Variants in CACNG1 observed in about 807,000 individuals in gnomAD.
CACNG1 encodes the protein voltage-dependent calcium channel gamma-1 subunit.
In CACNG1, 21 loss-of-function variants were observed where a neutral mutation model predicts 22.0. The ratio of observed to expected loss-of-function variants is 0.95; its 90% CI spans 0.68 to 1.37. The LOEUF (loss-of-function observed/expected upper bound fraction) is 1.37, where lower values mean the gene tolerates loss of function less well. Among genes scored for constraint, CACNG1 ranks in the 40% most tolerant of loss-of-function variants. The pLI, the probability that CACNG1 is intolerant of heterozygous loss-of-function variation, is 0.00. For synonymous variants in CACNG1, 127 were observed against 129.2 expected (o/e 0.98, Z 0.12); for missense variants, 291 against 308.6 (o/e 0.94, Z 0.43).
rs937789056 is a variant in CACNG1, at chr17:67,056,709, C to T, written c.*438C>T. 3 of 169,204 alleles carry T rather than the reference C, an allele frequency of 1.8e-5. No individual in the cohort carries two copies. Among genetic ancestry groups the T allele is most frequent in the Non-Finnish European group, 3.8e-5 (3 of 78,220 alleles). 10.5% of individuals were successfully genotyped at this position (169,204 alleles called of 1,614,324 possible). A position where few individuals can be genotyped will look rare whatever the true frequency, so the allele number is the denominator to read the frequency against. On this transcript the variant is annotated 3_prime_UTR_variant, in exon 4 of 4. Coordinates refer to ENST00000226021, the MANE Select transcript of CACNG1 (RefSeq NM_000727.4). This position sits in a 1 kb window ranked among gnomAD's most constrained non-coding sequence, Gnocchi z 4.3. ...AACACACCCTCTCTGGTGAGCCCAG[C>T]GTCCCCTCCTTGGCTTCCAGGAGCC...
At chr17:67,052,380 G>C (rs1292217885) in intron 1 of CACNG1, among the ~76,000 whole-genome samples, 2 of 152,206 alleles carry the variant, frequency 1.3e-5, no homozygotes, top group African/African-American at 4.8e-5. Context: ...CTGGCTCTGG[G>C]GGGAAGGAGG....
At chr17:67,045,035 T>C (rs2035688072) in intron 1 of CACNG1, 146 bp downstream of exon 1, 1 of 669,904 alleles carries the variant, frequency 1.5e-6, no homozygotes, top group Admixed American at 2.5e-5. Context: ...GAAGAAGATA[T>C]GAATTGCATG....
chr17:67,053,610 G>C (rs1307549506), intron 1 of CACNG1, among the ~76,000 whole-genome samples: 1 of 152,238 alleles, frequency 6.6e-6, no homozygotes, highest in Non-Finnish European at 1.5e-5. Context: ...TGTCCCCTGG[G>C]GGGGCAGAAT....
Position 67,055,237 on chromosome 17 carries a change from G to A in CACNG1, c.439G>A (p.Ala147Thr), listed in dbSNP as rs139399934. 6.8e-6 allele frequency: 11 copies of A among 1,612,346 alleles called. No homozygotes were observed. In the African/African-American group the frequency reaches 1.3e-4, roughly 20 times the overall value. ...ACCCGCGTCCATGTTCTATGCCTTTGCAGGTAGACTGGGGGATCTGCCTGA... is the reference window on the plus strand; with the variant it reads ...ACCCGCGTCCATGTTCTATGCCTTTACAGGTAGACTGGGGGATCTGCCTGA... ...LRPASMFYAF[A>T]GLCILVSVEV... Residue 147 changes from alanine (A) to threonine (T), a missense_variant, in exon 3 of 4, where the codon GCA becomes ACA. By Grantham distance (58) the Ala-to-Thr change is moderately conservative. Transcript: ENST00000226021. The surrounding 1 kb of genome is among the most constrained non-coding windows in gnomAD (Gnocchi z 4.5).
intron 1 of CACNG1, among the ~76,000 whole-genome samples, chr17:67,047,834 A>G (rs754112403): frequency 6.6e-6 from 1 of 152,110 alleles, no homozygotes; most frequent in Non-Finnish European, 1.5e-5. Flanking sequence ...TGCTATATGC[A>G]TGCTCAGGAA....
chr17:67,054,756 T>C lies in CACNG1; in HGVS notation c.305-347T>C, dbSNP rs916548987. 2.1e-5 allele frequency among the ~76,000 whole-genome samples: 3 copies of C among 143,612 alleles called. No individual in the cohort carries two copies. The highest frequency in any genetic ancestry group is 7.9e-5 in the African/African-American group (3 of 37,978). 94.2% of individuals were successfully genotyped at this position (143,612 alleles called of 152,430 possible). A position where few individuals can be genotyped will look rare whatever the true frequency, so the allele number is the denominator to read the frequency against. On this transcript the variant is annotated intron_variant, in intron 2 of 3. Transcript: ENST00000226021. The surrounding 1 kb of genome is among the most constrained non-coding windows in gnomAD (Gnocchi z 4.6). The stretch of plus-strand genomic sequence containing the variant: ...GACACACACTGATACACATGCATGA[T>C]GACACACAAAATGACACACAGTGAC...
At chr17:67,053,114 C>A (rs2035737544) in intron 1 of CACNG1, among the ~76,000 whole-genome samples, 1 of 152,088 alleles carries the variant, frequency 6.6e-6, no homozygotes, top group Admixed American at 6.5e-5. Flanking sequence ...GCTTTTATGA[C>A]AATTATCAGG....
chr17:67,046,630 A>T (rs899204462), intron 1 of CACNG1, among the ~76,000 whole-genome samples: 16 of 152,162 alleles, frequency 1.1e-4, no homozygotes, highest in Non-Finnish European at 1.5e-5. Context: ...ACCCATAAAC[A>T]GGAACAGCCT....
intron 1 of CACNG1, among the ~76,000 whole-genome samples, chr17:67,047,026 T>A (rs148624646): frequency 0.012 from 1,836 of 152,284 alleles, 19 homozygotes; most frequent in South Asian, 0.018. Context: ...CAAATGGACA[T>A]CTTTCTCCTT....
Position 67,044,833 on chromosome 17 carries a change from C to T in CACNG1, c.173C>T (p.Thr58Ile), listed in dbSNP as rs922333393. Residue 58 changes from threonine to isoleucine, a missense_variant, in exon 1 of 4, where the codon ACC (threonine) becomes ATC (isoleucine). Physicochemically the swap from Thr to Ile is moderately conservative, Grantham distance 89. Transcript: ENST00000226021. The surrounding 1 kb of genome is among the most constrained non-coding windows in gnomAD (Gnocchi z 6.9). ...CACTTCGGCCTCTGGCGGATTTGTA[C>T]CAAGCGCATCCCCATGGACGACAGC... ...AAHFGLWRICTKRIPMDDSKT... is the reference protein window; with the variant it reads ...AAHFGLWRICIKRIPMDDSKT... 1 of 1,613,498 alleles carries T rather than the reference C, an allele frequency of 6.2e-7. No individual in the cohort carries two copies. The highest frequency in any genetic ancestry group is 1.7e-5 in the Admixed American group (1 of 60,028).
intron 1 of CACNG1, among the ~76,000 whole-genome samples, chr17:67,046,717 C>T (rs950717195): frequency 2.0e-5 from 3 of 152,288 alleles, no homozygotes; most frequent in East Asian, 3.9e-4. Context: ...CACATGGGGA[C>T]GTGCTGTTAC....
At chr17:67,048,985 AG>A (rs1291883960) in intron 1 of CACNG1, among the ~76,000 whole-genome samples, 1 of 152,198 alleles carries the variant, frequency 6.6e-6, no homozygotes, top group Non-Finnish European at 1.5e-5. Flanking sequence ...AAAGAGAGAA[AG>A]GAGCAAAAAA....
At chr17:67,046,195 T>G (rs1017645028) in intron 1 of CACNG1, among the ~76,000 whole-genome samples, 24 of 152,298 alleles carry the variant, frequency 1.6e-4, no homozygotes, top group African/African-American at 3.4e-4. Context: ...TGGGACTGAC[T>G]CTCAGCAACG....
In CACNG1 at chr17:67,054,983, A is replaced by T. The variant is rs2143420375; in HGVS notation, c.305-120A>T. On this transcript the variant is annotated intron_variant, in intron 2 of 3. Coordinates refer to ENST00000226021, the MANE Select transcript of CACNG1 (RefSeq NM_000727.4). The surrounding 1 kb of genome is among the most constrained non-coding windows in gnomAD (Gnocchi z 4.6). The stretch of plus-strand genomic sequence containing the variant: ...AGACACAGAGACACACACTTGACAC[A>T]CACACAATGACACACACAGACACTG... 2 of 987,676 alleles carry T rather than the reference A, an allele frequency of 2.0e-6. No individual in the cohort carries two copies. Among genetic ancestry groups the T allele is most frequent in the East Asian group, 5.4e-5 (2 of 36,824 alleles). 61.2% of individuals were successfully genotyped at this position (987,676 alleles called of 1,614,324 possible).
At chr17:67,045,931 C>T (rs1021491687) in intron 1 of CACNG1, among the ~76,000 whole-genome samples, 2 of 152,190 alleles carry the variant, frequency 1.3e-5, no homozygotes, top group Non-Finnish European at 2.9e-5. Context: ...GCGTATTCCT[C>T]GATTTCCTAC....
chr17:67,053,998 A>T lies in CACNG1; in HGVS notation c.232A>T (p.Lys78Ter), dbSNP rs765363207. 2.4e-5 allele frequency: 38 copies of T among 1,613,340 alleles called. No homozygotes were observed. The highest frequency in any genetic ancestry group is 3.1e-5 in the Non-Finnish European group (37 of 1,179,422). The change falls in exon 2 of 4, where the codon AAG becomes TAG. Residue 78 changes from lysine to a stop codon, truncating the protein, a stop_gained and splice_region_variant. Transcript: ENST00000226021. LOFTEE classifies it high-confidence loss of function. ...TCGPITLPGE[K>*]NCSYFRHFNP... ...ACAGTCTGTCTCCTCCTTTGCAGAG[A>T]AGAACTGTTCCTACTTCAGGCATTT...
rs559094945 is a variant in CACNG1, at chr17:67,054,951, A to G, written c.305-152A>G. On this transcript the variant is annotated intron_variant, in intron 2 of 3. Coordinates refer to ENST00000226021, the MANE Select transcript of CACNG1 (RefSeq NM_000727.4). The surrounding 1 kb of genome is among the most constrained non-coding windows in gnomAD (Gnocchi z 4.6). ...CAGATACACACATACAATGACACAC[A>G]CAAGACAGACACAGAGACACACACT... 2.1e-5 allele frequency: 16 copies of G among 767,738 alleles called. No homozygotes were observed. In the African/African-American group the frequency reaches 2.5e-4, roughly 12 times the overall value. 47.6% of individuals were successfully genotyped at this position (767,738 alleles called of 1,614,324 possible).
At chr17:67,050,053 C>T (rs74603073) in intron 1 of CACNG1, among the ~76,000 whole-genome samples, 250 of 152,344 alleles carry the variant, frequency 1.6e-3, no homozygotes, top group African/African-American at 5.7e-3. Context: ...CAAATGAACC[C>T]GCAAAGAGGC....
chr17:67,055,389 A>C lies in CACNG1; in HGVS notation c.442+149A>C. On this transcript the variant is annotated intron_variant, in intron 3 of 3. Coordinates refer to ENST00000226021, the MANE Select transcript of CACNG1 (RefSeq NM_000727.4). The surrounding 1 kb of genome is among the most constrained non-coding windows in gnomAD (Gnocchi z 4.5). ...CAGGGGCAAACCTGGCCAGGCCATCAGCGACTCCAGGTGGGTTGGAGGGAG... is the reference window on the plus strand; with the variant it reads ...CAGGGGCAAACCTGGCCAGGCCATCCGCGACTCCAGGTGGGTTGGAGGGAG... 1 of 875,048 alleles carries C rather than the reference A, an allele frequency of 1.1e-6. No individual in the cohort carries two copies. Among genetic ancestry groups the C allele is most frequent in the Non-Finnish European group, 1.7e-6 (1 of 587,426 alleles). The allele number at this position is 875,048 out of a possible 1,614,324, so 54.2% of individuals were successfully genotyped here. A position where few individuals can be genotyped will look rare whatever the true frequency, so the allele number is the denominator to read the frequency against.
Sources: allele counts gnomAD v4.1 joint callset (sites outside exome capture counted in the v4.1 genomes callset), GRCh38; gene constraint gnomAD v4.1.1; non-coding constraint Gnocchi (gnomAD v3.1); transcripts MANE v1.5; gene names NCBI Gene and HGNC (gene_info 2026-07-23, HGNC 2026-07-21).